ALMS1: variants seen among roughly 807,000 people sequenced by gnomAD.
ALMS1 encodes centrosome-associated protein ALMS1.
In ALMS1, 271 loss-of-function variants were observed where a neutral mutation model predicts 352.2. The ratio of observed to expected loss-of-function variants is 0.77; its 90% CI spans 0.70 to 0.85. The LOEUF is 0.85. Among genes scored for constraint, ALMS1 ranks in the 40% least tolerant of loss-of-function variants. ALMS1 has a pLI of 0.00. For synonymous variants in ALMS1, 1,865 were observed against 1,761.2 expected (o/e 1.06, Z -1.48); for missense variants, 5,445 against 4,870.7 (o/e 1.12, Z -3.51).
chr2:73,600,527 T>C lies in ALMS1; in HGVS notation c.11669-151T>C. 1.0e-5 allele frequency: 7 copies of C among 684,726 alleles called. No homozygotes were observed. In the Admixed American group the frequency reaches 1.3e-4, roughly 13 times the overall value. The allele number at this position is 684,726 out of a possible 1,614,324, so 42.4% of individuals were successfully genotyped here. The stretch of plus-strand genomic sequence containing the variant: ...TTTCCCTCCTACTCTCCCCTGTCCT[T>C]CTTTCTCTTCCTCTCTCTTCGCATC... On this transcript the variant is annotated intron_variant, in intron 17 of 22. Transcript: ENST00000613296.
rs566399043 is a variant in ALMS1, at chr2:73,453,276, A to T, written c.6749A>T (p.Gln2250Leu). 2 of 1,614,010 alleles carry T rather than the reference A, an allele frequency of 1.2e-6. No homozygotes were observed. The highest frequency in any genetic ancestry group is 4.5e-5 in the East Asian group (2 of 44,878). Residue 2250 changes from glutamine to leucine, a missense_variant, in exon 8 of 23, where the codon CAG (glutamine) becomes CTG (leucine). By Grantham distance (113) the Gln-to-Leu change is moderately radical. Coordinates refer to ENST00000613296, the MANE Select transcript of ALMS1 (RefSeq NM_001378454.1). ...GFRDVGSEEI[Q>L]DAENSAKTLK... ...AGAGATGTTGGCTCTGAAGAAATCC[A>T]GGATGCAGAAAATAGTGCTAAAACT...
At chr2:73,540,869 T>C (rs1674161331) in intron 12 of ALMS1, among the ~76,000 whole-genome samples, 2 of 152,200 alleles carry the variant, frequency 1.3e-5, no homozygotes, top group Non-Finnish European at 2.9e-5. Flanking sequence ...CCCAGATTGA[T>C]AAAGCAAGTC....
intron 5 of ALMS1, 90 bp from the exon 6 acceptor site, chr2:73,426,363 A>T (rs908226788): frequency 1.6e-6 from 2 of 1,289,832 alleles, no homozygotes; most frequent in African/African-American, 1.5e-5. Context: ...CTGAAAGCTG[A>T]TATAGGCCAA....
At chr2:73,492,574 T>A (rs1416187914) in intron 10 of ALMS1, among the ~76,000 whole-genome samples, 2 of 152,168 alleles carry the variant, frequency 1.3e-5, no homozygotes, top group Non-Finnish European at 2.9e-5. Flanking sequence ...GGACAACTGA[T>A]TTAATATCCT....
rs757474886 is a variant in ALMS1 at position 73,519,932 on chromosome 2, G to C, written c.9697G>C (p.Gly3233Arg). 6.2e-7 allele frequency: 1 copy of C among 1,614,052 alleles called. No homozygotes were observed. The highest frequency in any genetic ancestry group is 1.7e-5 in the Admixed American group (1 of 60,016). ...EDRGHEIIEP[G>R]NQKLRKAPVK... ...TCGTGGACATGAAATTATAGAGCCT[G>C]GTAACCAGAAGCTACGCAAAGCTCC... is the stretch of plus-strand genomic sequence containing the variant. Residue 3233 changes from glycine (G) to arginine (R), a missense_variant, in exon 11 of 23, where the codon GGT (glycine) becomes CGT (arginine). Coordinates refer to ENST00000613296, the MANE Select transcript of ALMS1 (RefSeq NM_001378454.1).
chr2:73,523,510 T>C (rs1434409526), intron 11 of ALMS1, among the ~76,000 whole-genome samples: 3 of 152,194 alleles, frequency 2.0e-5, no homozygotes, highest in Non-Finnish European at 4.4e-5. Context: ...CTCACACCTA[T>C]AATCCCAGCA....
intron 12 of ALMS1, among the ~76,000 whole-genome samples, chr2:73,541,066 T>C (rs910995526): frequency 6.6e-6 from 1 of 152,210 alleles, no homozygotes. Flanking sequence ...CAACAGAATA[T>C]ACAGTCTTCT....
intron 14 of ALMS1, among the ~76,000 whole-genome samples, chr2:73,557,873 ACT>A (rs1468297770): frequency 1.3e-5 from 2 of 152,034 alleles, no homozygotes; most frequent in African/African-American, 4.8e-5. Context: ...AAGACAGAAA[ACT>A]CTTTCTCTTT....
At chr2:73,467,821 A>G (rs778214346) in intron 9 of ALMS1, among the ~76,000 whole-genome samples, 3 of 152,084 alleles carry the variant, frequency 2.0e-5, no homozygotes, top group Non-Finnish European at 2.9e-5. Flanking sequence ...ATGGTTAGCA[A>G]AAAAGCCAGA....
At chr2:73,579,887 A>T (rs752435643) in intron 16 of ALMS1, among the ~76,000 whole-genome samples, 1 of 152,048 alleles carries the variant, frequency 6.6e-6, no homozygotes, top group Non-Finnish European at 1.5e-5. Flanking sequence ...GAGTTCATTG[A>T]GCTACTTCGA....
chr2:73,533,909 A>G (rs1159717374), intron 11 of ALMS1, among the ~76,000 whole-genome samples: 1 of 152,184 alleles, frequency 6.6e-6, no homozygotes, highest in Non-Finnish European at 1.5e-5. Context: ...GTAATTTTTC[A>G]CTTTGTAAAA....
chr2:73,461,892 G>C (rs1032261475), intron 9 of ALMS1, among the ~76,000 whole-genome samples: 2 of 151,938 alleles, frequency 1.3e-5, no homozygotes, highest in African/African-American at 4.8e-5. Context: ...AAGCGAGAAG[G>C]GAAGTTTAGA....
intron 13 of ALMS1, among the ~76,000 whole-genome samples, chr2:73,552,281 C>T (rs532026636): frequency 2.8e-4 from 42 of 152,248 alleles, no homozygotes; most frequent in African/African-American, 9.9e-4. Flanking sequence ...AGAAGCATAT[C>T]TACCAGCTAA....
chr2:73,601,106 C>G, intron 18 of ALMS1, 89 bp from the exon 19 acceptor site: 1 of 1,595,854 alleles, frequency 6.3e-7, no homozygotes, highest in Non-Finnish European at 8.6e-7. Flanking sequence ...CCCTGAGAAC[C>G]TGTATTATAT....
chr2:73,491,217 C>G lies in ALMS1; in HGVS notation c.9258C>G (p.Asp3086Glu). ...GGATGAATAGTGAGTTTAACTTTGA[C>G]TTACATACTGTATCTTCGAGATCAC... ...KARMNSEFNF[D>E]LHTVSSRSLE... Residue 3086 changes from aspartate (D) to glutamate (E), a missense_variant, in exon 10 of 23, where the codon GAC becomes GAG. Coordinates refer to ENST00000613296, the MANE Select transcript of ALMS1 (RefSeq NM_001378454.1). 6 of 1,614,144 alleles carry G rather than the reference C, an allele frequency of 3.7e-6. No individual in the cohort carries two copies. Among genetic ancestry groups the G allele is most frequent in the Non-Finnish European group, 4.2e-6 (5 of 1,180,014 alleles).
chr2:73,406,505 CTTTG>C (rs1462392627), intron 1 of ALMS1, among the ~76,000 whole-genome samples: 1 of 117,810 alleles, frequency 8.5e-6, no homozygotes, highest in Non-Finnish European at 1.8e-5. Flanking sequence ...CCCCTTCTTT[CTTTG>C]TGTTTAGTCA....
At chr2:73,468,793 T>A (rs1360645684) in intron 9 of ALMS1, among the ~76,000 whole-genome samples, 1 of 152,018 alleles carries the variant, frequency 6.6e-6, no homozygotes, top group African/African-American at 2.4e-5. Flanking sequence ...TATTTACTTT[T>A]AAAGTAATTA....
chr2:73,457,749 T>C (rs558847612), intron 9 of ALMS1, among the ~76,000 whole-genome samples: 2 of 152,184 alleles, frequency 1.3e-5, no homozygotes, highest in East Asian at 3.9e-4. Flanking sequence ...TCTAAAACTT[T>C]TGGCTGGGCG....
chr2:73,601,135 C>T, intron 18 of ALMS1, 60 bp from the exon 19 acceptor site: 1 of 1,610,768 alleles, frequency 6.2e-7, no homozygotes, highest in Non-Finnish European at 8.5e-7. Flanking sequence ...TGGATAAGAG[C>T]TGGGTGGGGC....
Sources: gnomAD v4.1 joint callset for allele counts (sites outside exome capture counted in the v4.1 genomes callset) on GRCh38, gnomAD v4.1.1 for gene constraint, MANE v1.5 for transcripts, NCBI Gene and HGNC (gene_info 2026-07-23, HGNC 2026-07-21) for gene names.